TANK: variants seen among roughly 807,000 people sequenced by gnomAD.
TANK encodes the protein TRAF family member-associated NF-kappa-B activator.
Under a neutral mutation model 43.6 loss-of-function variants are expected in TANK, and 15 were observed. The observed-to-expected ratio is 0.34, with a 90% CI of 0.23 to 0.53. TANK has a LOEUF of 0.53. Ranked by LOEUF, TANK falls within the 20% of genes least tolerant of loss-of-function variation. The pLI is 0.94. For missense variants in TANK, 417 were observed against 498.6 expected, an observed-to-expected ratio of 0.84 and a Z score of 1.56; for synonymous variants, 162 against 178.2, an observed-to-expected ratio of 0.91 and a Z score of 0.73.
intron 1 of TANK, among the ~76,000 whole-genome samples, chr2:161,148,070 T>C (rs966617856): frequency 2.0e-5 from 3 of 152,186 alleles, no homozygotes; most frequent in Non-Finnish European, 4.4e-5. Context: ...ATTTGGTAAT[T>C]CTATGTTTAG....
intron 2 of TANK, among the ~76,000 whole-genome samples, chr2:161,180,955 A>G (rs925106711): frequency 1.8e-4 from 27 of 151,828 alleles, no homozygotes; most frequent in African/African-American, 4.8e-5. Flanking sequence ...TTGTCAACCA[A>G]AATTCCAGAT....
intron 7 of TANK, chr2:161,232,586 A>G (rs1008567416): frequency 1.1e-6 from 1 of 913,990 alleles, no homozygotes; most frequent in East Asian, 2.8e-5. Flanking sequence ...ATTTCACATC[A>G]TAGTCTCAGT....
chr2:161,147,001 C>T (rs1367331823), intron 1 of TANK, among the ~76,000 whole-genome samples: 2 of 152,180 alleles, frequency 1.3e-5, no homozygotes, highest in Non-Finnish European at 2.9e-5. Flanking sequence ...GATCAGAGTT[C>T]TGTCCCTGAG....
Position 161,231,238 on chromosome 2 carries a change from C to T in TANK, c.788C>T (p.Ala263Val). 3 of 1,614,036 alleles carry T rather than the reference C, an allele frequency of 1.9e-6. No individual in the cohort carries two copies. Among genetic ancestry groups the T allele is most frequent in the Non-Finnish European group, 2.5e-6 (3 of 1,180,024 alleles). Residue 263 changes from alanine (A) to valine (V), a missense_variant, in exon 7 of 8, where the codon GCA becomes GTA. By Grantham distance (64) the Ala-to-Val change is moderately conservative (BLOSUM62 0). Coordinates refer to ENST00000392749, the MANE Select transcript of TANK (RefSeq NM_001199135.3). Reference protein sequence around the residue: ...PGILSPATSEAVCQEKFNMEF... With the variant: ...PGILSPATSEVVCQEKFNMEF... ...ATCCTTAGTCCTGCCACGTCTGAGG[C>T]AGTGTGCCAAGAGAAATTTAATATG... is the stretch of plus-strand genomic sequence containing the variant.
intron 1 of TANK, among the ~76,000 whole-genome samples, chr2:161,152,841 G>A (rs1029912090): frequency 3.9e-5 from 6 of 152,266 alleles, no homozygotes; most frequent in Non-Finnish European, 8.8e-5. Flanking sequence ...TCTTAAATAT[G>A]CCCAAAGAGC....
upstream of TANK, among the ~76,000 whole-genome samples, chr2:161,155,844 T>A (rs1319637568): frequency 6.6e-6 from 1 of 152,220 alleles, no homozygotes; most frequent in African/African-American, 2.4e-5. Context: ...CTGATTCTTG[T>A]ATGTATGTCA....
rs1558988470 is a variant in TANK, at chr2:161,195,068, C to A, written c.100-8419C>A. 2.0e-5 allele frequency among the ~76,000 whole-genome samples: 3 copies of A among 152,178 alleles called. 1 individual carries two copies. The South Asian group carries it at 6.2e-4, about 32-fold the overall frequency. On this transcript the variant is annotated intron_variant, in intron 2 of 7. Coordinates refer to ENST00000392749, the MANE Select transcript of TANK (RefSeq NM_001199135.3). The stretch of plus-strand genomic sequence containing the variant: ...AGAATGGAAGATATTTGTATCCTTT[C>A]TTCCAAGGTTTTACTTCCAGAAATA...
intron 1 of TANK, chr2:161,139,728 A>T: frequency 1.0e-6 from 1 of 985,388 alleles, no homozygotes; most frequent in Non-Finnish European, 1.2e-6. Flanking sequence ...TTCTGTTCCC[A>T]ACTCAAACTA....
At chr2:161,205,272 T>C (rs1026850482) in intron 4 of TANK, among the ~76,000 whole-genome samples, 1 of 152,142 alleles carries the variant, frequency 6.6e-6, no homozygotes, top group African/African-American at 2.4e-5. Context: ...TGACCCATGA[T>C]CATGACACTG....
chr2:161,215,233 G>T (rs1687065468), intron 4 of TANK, among the ~76,000 whole-genome samples: 1 of 152,038 alleles, frequency 6.6e-6, no homozygotes, highest in Non-Finnish European at 1.5e-5. Context: ...TTTCCTGTTA[G>T]AAAAAAATCA....
chr2:161,184,785 A>G (rs918212111), intron 2 of TANK, among the ~76,000 whole-genome samples: 2 of 152,160 alleles, frequency 1.3e-5, no homozygotes, highest in Admixed American at 1.3e-4. Context: ...AATAAGATCT[A>G]TAATTAGGTT....
chr2:161,210,713 A>G (rs960027532), intron 4 of TANK, among the ~76,000 whole-genome samples: 1 of 151,774 alleles, frequency 6.6e-6, no homozygotes, highest in Non-Finnish European at 1.5e-5. Context: ...AAAAAAAAAA[A>G]AGAAATTCTA....
chr2:161,213,797 G>A (rs1687003824), intron 4 of TANK, among the ~76,000 whole-genome samples: 1 of 151,456 alleles, frequency 6.6e-6, no homozygotes, highest in South Asian at 2.1e-4. Flanking sequence ...TAGCGATTGT[G>A]GATAGTCTTT....
intron 7 of TANK, chr2:161,232,855 C>A: frequency 6.5e-7 from 1 of 1,549,044 alleles, no homozygotes; most frequent in South Asian, 1.2e-5. Context: ...TTAAAAAATT[C>A]AGGAGAATTA....
chr2:161,233,817 C>T (rs1688041685), intron 7 of TANK, among the ~76,000 whole-genome samples: 1 of 151,592 alleles, frequency 6.6e-6, no homozygotes, highest in Admixed American at 6.6e-5. Flanking sequence ...TATTTTTGGC[C>T]ATATCAATTT....
At chr2:161,148,776 T>A (rs1683989180) in intron 1 of TANK, among the ~76,000 whole-genome samples, 1 of 152,170 alleles carries the variant, frequency 6.6e-6, no homozygotes, top group Non-Finnish European at 1.5e-5. Flanking sequence ...AAGAGACTAT[T>A]TTTTCTCCAT....
chr2:161,219,900 G>T, intron 4 of TANK: 1 of 338,918 alleles, frequency 3.0e-6, no homozygotes, highest in Non-Finnish European at 5.7e-6. Context: ...TCCTTTTTCT[G>T]TAGTGAATTT....
At chr2:161,187,944 C>G (rs936569441) in intron 2 of TANK, among the ~76,000 whole-genome samples, 18 of 152,240 alleles carry the variant, frequency 1.2e-4, no homozygotes, top group Admixed American at 3.3e-4. Context: ...AAATAACACT[C>G]TTAAACAACC....
intron 2 of TANK, among the ~76,000 whole-genome samples, chr2:161,195,394 C>T (rs1660400548): frequency 6.6e-6 from 1 of 152,118 alleles, no homozygotes; most frequent in African/African-American, 2.4e-5. Context: ...GGGGACTTGA[C>T]CTAATCCAGC....
Sources: allele counts gnomAD v4.1 joint callset (sites outside exome capture counted in the v4.1 genomes callset), GRCh38; gene constraint gnomAD v4.1.1; transcripts MANE v1.5; gene names NCBI Gene and HGNC (gene_info 2026-07-23, HGNC 2026-07-21).